AKAP11: variants seen among roughly 807,000 people sequenced by gnomAD.
AKAP11 encodes A-kinase anchor protein 11.
AKAP11 carries 36 observed loss-of-function variants against 146.1 expected under a neutral mutation model. The observed-to-expected ratio is 0.25, with a 90% CI of 0.19 to 0.33. The LOEUF is 0.33. Ranked by LOEUF, AKAP11 falls within the 10% of genes least tolerant of loss-of-function variation. The pLI, the probability that AKAP11 is intolerant of heterozygous loss-of-function variation, is 1.00. For synonymous variants in AKAP11, 780 were observed against 786.5 expected (o/e 0.99, Z 0.14); for missense variants, 2,201 against 2,197.0 (o/e 1.00, Z -0.04).
intron 4 of AKAP11, among the ~76,000 whole-genome samples, chr13:42,295,368 A>G (rs1959444664): frequency 6.6e-6 from 1 of 152,202 alleles, no homozygotes; most frequent in Non-Finnish European, 1.5e-5. Context: ...GGGAGGTGGC[A>G]TGGTAATAGG....
intron 1 of AKAP11, 107 bp downstream of exon 1, chr13:42,272,335 C>T (rs376911663): frequency 6.6e-6 from 1 of 152,150 alleles, no homozygotes; most frequent in Non-Finnish European, 1.5e-5. Flanking sequence ...GCTCCAGCCC[C>T]TCCGCCTGCC....
chr13:42,302,874 T>C lies in AKAP11; in HGVS notation c.4128T>C (p.Val1376=). 6.2e-7 allele frequency: 1 copy of C among 1,614,068 alleles called. No individual in the cohort carries two copies. The highest frequency in any genetic ancestry group is 1.7e-4 in the Middle Eastern group (1 of 6,060). ...QYANRLAYRS[V]KSGLQEAAKT... is the part of the protein sequence containing the mutation. ...CCAATAGGCTTGCCTACCGATCTGTTAAATCAGGATTACAGGAAGCAGCTA... is the reference window on the plus strand; with the variant it reads ...CCAATAGGCTTGCCTACCGATCTGTCAAATCAGGATTACAGGAAGCAGCTA... Residue 1376 remains valine, a synonymous_variant, in exon 8 of 13, where the codon GTT becomes GTC. Transcript: ENST00000025301.
intron 1 of AKAP11, among the ~76,000 whole-genome samples, chr13:42,285,698 T>C (rs1303182959): frequency 6.6e-6 from 1 of 152,220 alleles, no homozygotes; most frequent in Non-Finnish European, 1.5e-5. Flanking sequence ...TGGCAGGTGT[T>C]GTGTGTGTTA....
chr13:42,317,699 A>G lies in AKAP11; in HGVS notation c.5565+11A>G. 1 of 1,611,524 alleles carries G rather than the reference A, an allele frequency of 6.2e-7. No individual in the cohort carries two copies. Among genetic ancestry groups the G allele is most frequent in the Non-Finnish European group, 8.5e-7 (1 of 1,178,902 alleles). On this transcript the variant is annotated intron_variant, in intron 12 of 12. Coordinates refer to ENST00000025301, the MANE Select transcript of AKAP11 (RefSeq NM_016248.4). ...AAGGAGTTTATGCTAGTAAGTACCT[A>G]CCTTACAGAGTGTGAGGATACATTT...
chr13:42,315,962 C>T lies in AKAP11; in HGVS notation c.5405-1566C>T, dbSNP rs17703254. Among the ~76,000 whole-genome samples the T allele has an allele frequency of 4.4e-3, 675 of 152,188 alleles. 15 individuals carry two copies. The East Asian group carries it at 0.047, about 11-fold the overall frequency. ...GAGCCGTTTGGAGGTTCTTGTAGGC[C>T]AGGCAACCAGGAGTCCTGAACTGAG... On this transcript the variant is annotated intron_variant, in intron 11 of 12. Coordinates refer to ENST00000025301, the MANE Select transcript of AKAP11 (RefSeq NM_016248.4).
chr13:42,286,397 A>C lies in AKAP11; in HGVS notation c.49A>C (p.Lys17Gln), dbSNP rs1481311887. Residue 17 changes from lysine (K) to glutamine (Q), a missense_variant and splice_region_variant, in exon 3 of 13, where the codon AAA becomes CAA. Physicochemically the swap from Lys to Gln is moderately conservative, Grantham distance 53. Around this residue, in one of 3 missense-constraint regions of AKAP11, gnomAD observed 331 missense variants for 347.4 expected, o/e 0.95. Coordinates refer to ENST00000025301, the MANE Select transcript of AKAP11 (RefSeq NM_016248.4). Reference protein sequence around the residue: ...NHMKTKASVRKSFSEDVFQSV... With the variant: ...NHMKTKASVRQSFSEDVFQSV... ...CATGAAGACTAAAGCATCTGTCAGA[A>C]AAGTAAGTTCACTCTATTAGGTTTC... 39 of 1,597,768 alleles carry C rather than the reference A, an allele frequency of 2.4e-5. No individual in the cohort carries two copies. The highest frequency in any genetic ancestry group is 3.3e-5 in the Non-Finnish European group (39 of 1,173,570).
chr13:42,299,882 T>G lies in AKAP11; in HGVS notation c.1136T>G (p.Val379Gly), dbSNP rs766446075. 1 of 1,613,892 alleles carries G rather than the reference T, an allele frequency of 6.2e-7. No homozygotes were observed. Among genetic ancestry groups the G allele is most frequent in the Admixed American group, 1.7e-5 (1 of 59,984 alleles). ...LETCLFNKDP[V>G]IGKSSQRKGH... is the part of the protein sequence containing the mutation. Reference sequence around the variant, plus strand: ...ACTTGCCTGTTTAACAAAGATCCCGTCATAGGGAAGTCATCGCAGAGGAAA... The same window carrying G: ...ACTTGCCTGTTTAACAAAGATCCCGGCATAGGGAAGTCATCGCAGAGGAAA... The change falls in exon 8 of 13, where the codon GTC becomes GGC. Residue 379 changes from valine to glycine, a missense_variant. Around this residue, in one of 3 missense-constraint regions of AKAP11, gnomAD observed 1,867 missense variants for 1,833.5 expected, o/e 1.02. Coordinates refer to ENST00000025301, the MANE Select transcript of AKAP11 (RefSeq NM_016248.4).
intron 6 of AKAP11, among the ~76,000 whole-genome samples, chr13:42,298,146 TAAAAG>T (rs536318572): frequency 2.5e-3 from 380 of 152,074 alleles, no homozygotes; most frequent in Non-Finnish European, 4.5e-3. Flanking sequence ...GGATTAAAAA[TAAAAG>T]AAAATAGAAC....
In AKAP11 at chr13:42,302,301, G is replaced by A; in HGVS notation, c.3555G>A (p.Val1185=). The part of the protein sequence containing the change: ...ESSESGELPE[V]DVKSEHSGKK... ...GTGAAAGTGGAGAGCTCCCAGAAGT[G>A]GATGTGAAGTCGGAGCACTCAGGGA... Residue 1185 remains valine, a synonymous_variant, in exon 8 of 13, where the codon GTG becomes GTA. Transcript: ENST00000025301. 5.0e-6 allele frequency: 8 copies of A among 1,614,158 alleles called. No individual in the cohort carries two copies. Among genetic ancestry groups the A allele is most frequent in the Non-Finnish European group, 6.8e-6 (8 of 1,180,030 alleles).
In AKAP11 at chr13:42,291,470, C is replaced by G. The variant is rs558734488; in HGVS notation, c.52-915C>G. Among the ~76,000 whole-genome samples, 10 of 152,258 alleles carry G rather than the reference C, an allele frequency of 6.6e-5. No individual in the cohort carries two copies. The South Asian group carries it at 2.1e-3, about 32-fold the overall frequency. ...CTTTCGCTATGTTGGCCAGGCTGGTCTCGAACTCCTTACCTCAAGTGATCC... is the reference window on the plus strand; with the variant it reads ...CTTTCGCTATGTTGGCCAGGCTGGTGTCGAACTCCTTACCTCAAGTGATCC... On this transcript the variant is annotated intron_variant, in intron 3 of 12. Coordinates refer to ENST00000025301, the MANE Select transcript of AKAP11 (RefSeq NM_016248.4).
intron 3 of AKAP11, among the ~76,000 whole-genome samples, chr13:42,289,392 C>G (rs1236101769): frequency 3.9e-5 from 6 of 152,144 alleles, no homozygotes; most frequent in Non-Finnish European, 1.5e-5. Context: ...CATTAATTCA[C>G]TAATTTATTT....
chr13:42,302,382 A>C lies in AKAP11; in HGVS notation c.3636A>C (p.Glu1212Asp). 6.2e-7 allele frequency: 1 copy of C among 1,614,150 alleles called. No homozygotes were observed. Among genetic ancestry groups the C allele is most frequent in the South Asian group, 1.1e-5 (1 of 91,060 alleles). The stretch of plus-strand genomic sequence containing the variant: ...CACACATCCTTTCTCTTGCAACTGA[A>C]ATGGCAGCTTCCCATTTAGATAACA... ...LATHILSLAT[E>D]MAASHLDNKI... Residue 1212 changes from glutamate (E) to aspartate (D), a missense_variant, in exon 8 of 13, where the codon GAA becomes GAC. By Grantham distance (45) the Glu-to-Asp change is conservative. Coordinates refer to ENST00000025301, the MANE Select transcript of AKAP11 (RefSeq NM_016248.4).
At chr13:42,294,060 A>G (rs1959356810) in intron 4 of AKAP11, among the ~76,000 whole-genome samples, 1 of 152,222 alleles carries the variant, frequency 6.6e-6, no homozygotes, top group African/African-American at 2.4e-5. Flanking sequence ...AGTTAACTGT[A>G]TGTAACACTT....
In AKAP11 at chr13:42,300,768, A is replaced by G; in HGVS notation, c.2022A>G (p.Pro674=). ...CATATCCTCAAACGCCTGCATCTCCACAGTGTGGGTCGTTTGACTTTGAAG... is the reference window on the plus strand; with the variant it reads ...CATATCCTCAAACGCCTGCATCTCCGCAGTGTGGGTCGTTTGACTTTGAAG... ...QFSYPQTPAS[P]QCGSFDFEDK... The change falls in exon 8 of 13, where the codon CCA becomes CCG. Residue 674 remains proline (P), a synonymous_variant. Transcript: ENST00000025301. The G allele has an allele frequency of 6.2e-7, 1 of 1,614,130 alleles. No homozygotes were observed. Among genetic ancestry groups the G allele is most frequent in the Non-Finnish European group, 8.5e-7 (1 of 1,179,978 alleles).
chr13:42,279,258 C>T lies in AKAP11; in HGVS notation c.-99-6728C>T, dbSNP rs1311379088. On this transcript the variant is annotated intron_variant, in intron 1 of 12. Coordinates refer to ENST00000025301, the MANE Select transcript of AKAP11 (RefSeq NM_016248.4). Reference sequence around the variant, plus strand: ...CCCACTTCCCCAGTGCACGCACGTGCACACCCACACACACACACACACACT... The same window carrying T: ...CCCACTTCCCCAGTGCACGCACGTGTACACCCACACACACACACACACACT... Among the ~76,000 whole-genome samples the T allele has an allele frequency of 2.6e-5, 3 of 116,426 alleles. No individual in the cohort carries two copies. In the East Asian group the frequency reaches 6.6e-4, roughly 26 times the overall value. 76.4% of individuals were successfully genotyped at this position (116,426 alleles called of 152,430 possible).
chr13:42,319,023 A>G, intron 12 of AKAP11, 65 bp from the exon 13 acceptor site: 1 of 1,508,106 alleles, frequency 6.6e-7, no homozygotes, highest in Non-Finnish European at 9.0e-7. Flanking sequence ...AATATTGAAA[A>G]TAAAAATAAA....
At chr13:42,294,478 T>C (rs1449389280) in intron 4 of AKAP11, among the ~76,000 whole-genome samples, 3 of 152,060 alleles carry the variant, frequency 2.0e-5, no homozygotes, top group Non-Finnish European at 4.4e-5. Context: ...TTTCAGCTCA[T>C]TGCAACCTCC....
upstream of AKAP11, among the ~76,000 whole-genome samples, chr13:42,271,893 C>A (rs1299192145): frequency 6.6e-6 from 1 of 151,066 alleles, no homozygotes; most frequent in Non-Finnish European, 1.5e-5. Flanking sequence ...CACTGGAGCA[C>A]GTGGGAAGGC....
At chr13:42,317,402 T>G in intron 11 of AKAP11, 126 bp from the exon 12 acceptor site, 1 of 981,022 alleles carries the variant, frequency 1.0e-6, no homozygotes, top group Non-Finnish European at 1.5e-6. Flanking sequence ...TAGAAAAAGA[T>G]GGATATTTTT....
Sources: allele counts gnomAD v4.1 joint callset (sites outside exome capture counted in the v4.1 genomes callset), GRCh38; gene constraint gnomAD v4.1.1; regional missense constraint gnomAD v4.1.1; transcripts MANE v1.5; gene names NCBI Gene and HGNC (gene_info 2026-07-23, HGNC 2026-07-21).